Variants in CHRM5 observed in about 807,000 individuals in gnomAD.
CHRM5 encodes cholinergic receptor muscarinic 5, also known as muscarinic acetylcholine receptor M5.
In CHRM5, 18 loss-of-function variants were observed where a neutral mutation model predicts 39.0. The ratio of observed to expected loss-of-function variants is 0.46; its 90% CI spans 0.32 to 0.68. The LOEUF is 0.68. Among genes scored for constraint, CHRM5 ranks in the 30% least tolerant of loss-of-function variants. The probability of loss-of-function intolerance (pLI) is 0.04; values close to 1 mark genes in which losing one functional copy is unlikely to be tolerated. For missense variants in CHRM5, 515 were observed against 651.1 expected, an observed-to-expected ratio of 0.79 and a Z score of 2.28; for synonymous variants, 241 against 246.3, an observed-to-expected ratio of 0.98 and a Z score of 0.20.
Position 33,970,506 on chromosome 15 carries a change from ATTG to A in CHRM5, c.-408+1365_-408+1367del, listed in dbSNP as rs531922445. On this transcript the variant is annotated intron_variant, in intron 1 of 2. Transcript: ENST00000383263. The stretch of plus-strand genomic sequence containing the variant: ...GACATAACTAAAAGTTAAGGGTGGT[ATTG>A]TTGTTGTTTACCTACACTGAGAAAC... Among the ~76,000 whole-genome samples, 18 of 152,070 alleles carry A rather than the reference ATTG, an allele frequency of 1.2e-4. No individual in the cohort carries two copies. In the South Asian group the frequency reaches 2.1e-3, roughly 18 times the overall value.
Position 34,065,262 on chromosome 15 carries a change from G to A in CHRM5, c.*946G>A, listed in dbSNP as rs1900480213. 1 of 152,210 alleles carries A rather than the reference G, an allele frequency of 6.6e-6. No individual in the cohort carries two copies. Among genetic ancestry groups the A allele is most frequent in the South Asian group, 2.1e-4 (1 of 4,822 alleles). The allele number at this position is 152,210 out of a possible 1,614,324, so 9.4% of individuals were successfully genotyped here. On this transcript the variant is annotated 3_prime_UTR_variant, in exon 3 of 3. Transcript: ENST00000383263. ...ATTTTCTCCAGGCTGTTGAATTAAG[G>A]TTCTTATATTGTTTTCAGAGATCTT...
At chr15:34,005,214 TTCATA>T (rs1897293428) in intron 1 of CHRM5, among the ~76,000 whole-genome samples, 1 of 152,150 alleles carries the variant, frequency 6.6e-6, no homozygotes, top group Non-Finnish European at 1.5e-5. Context: ...TAAATTTCAT[TTCATA>T]TAACATCCAG....
intron 1 of CHRM5, among the ~76,000 whole-genome samples, chr15:34,040,660 G>T (rs530438505): frequency 6.6e-6 from 1 of 152,116 alleles, no homozygotes; most frequent in East Asian, 1.9e-4. Context: ...CAGGTGTGTG[G>T]TTCGTGCCTG....
chr15:34,023,709 G>A (rs58866635), intron 1 of CHRM5, among the ~76,000 whole-genome samples: 15,828 of 152,114 alleles, frequency 0.1, 1,021 homozygotes, highest in East Asian at 0.33. Context: ...AATCACGCCA[G>A]GCTTAAAAGG....
chr15:34,039,213 G>C, intron 1 of CHRM5: 1 of 471,430 alleles, frequency 2.1e-6, no homozygotes, highest in Non-Finnish European at 2.8e-6. Context: ...GCGGAGCGGG[G>C]CGGGGCGGGG....
chr15:33,972,660 GAAACAAAAAT>G (rs1161357255), intron 1 of CHRM5: 1 of 152,120 alleles, frequency 6.6e-6, no homozygotes, highest in Non-Finnish European at 1.5e-5. Flanking sequence ...TTCAATTAAG[GAAACAAAAAT>G]GAAAGCTCCT....
chr15:34,055,837 TAAATA>T (rs1288916031), intron 2 of CHRM5, among the ~76,000 whole-genome samples: 1 of 151,972 alleles, frequency 6.6e-6, no homozygotes, highest in Admixed American at 6.6e-5. Flanking sequence ...AATAAACAAA[TAAATA>T]AAATGTGGAA....
chr15:34,033,411 C>A (rs1342328056), intron 1 of CHRM5, among the ~76,000 whole-genome samples: 1 of 151,212 alleles, frequency 6.6e-6, no homozygotes, highest in South Asian at 2.1e-4. Context: ...GAGGCTGAGG[C>A]AGGAGAATTG....
intron 1 of CHRM5, among the ~76,000 whole-genome samples, chr15:34,031,746 A>G (rs1898844994): frequency 6.6e-6 from 1 of 152,188 alleles, no homozygotes; most frequent in Non-Finnish European, 1.5e-5. Flanking sequence ...CTTTTAAGCA[A>G]TTTAAGGCTT....
intron 1 of CHRM5, among the ~76,000 whole-genome samples, chr15:34,012,981 T>A (rs1467730444): frequency 6.6e-6 from 1 of 152,228 alleles, no homozygotes; most frequent in African/African-American, 2.4e-5. Context: ...CCCCACCAGC[T>A]TTTTTAATGG....
intron 1 of CHRM5, among the ~76,000 whole-genome samples, chr15:34,028,340 G>A (rs896664925): frequency 1.3e-5 from 2 of 152,158 alleles, no homozygotes; most frequent in South Asian, 4.1e-4. Flanking sequence ...CAAGGCAGGT[G>A]GTTCACTTGA....
At position 34,064,216 on chromosome 15, in the gene CHRM5, G is replaced by A. The variant is rs1900449187; in HGVS notation, c.1499G>A (p.Arg500Lys). 3 of 1,614,042 alleles carry A rather than the reference G, an allele frequency of 1.9e-6. No individual in the cohort carries two copies. The Admixed American group carries it at 5.0e-5, about 27-fold the overall frequency. Residue 500 changes from arginine to lysine, a missense_variant, in exon 3 of 3, where the codon AGA (arginine) becomes AAA (lysine). Coordinates refer to ENST00000383263, the MANE Select transcript of CHRM5 (RefSeq NM_012125.4). ...VNPICYALCN[R>K]TFRKTFKMLL... is the part of the protein sequence containing the mutation. ...CCCATCTGCTATGCCCTCTGCAACA[G>A]AACCTTCAGGAAGACCTTTAAGATG...
At chr15:34,020,969 G>C (rs1229611880) in intron 1 of CHRM5, among the ~76,000 whole-genome samples, 1 of 152,184 alleles carries the variant, frequency 6.6e-6, no homozygotes, top group Non-Finnish European at 1.5e-5. Context: ...GGTGAGGAAT[G>C]AATCACTGGG....
At chr15:34,028,102 C>T (rs1268031441) in intron 1 of CHRM5, among the ~76,000 whole-genome samples, 2 of 152,034 alleles carry the variant, frequency 1.3e-5, no homozygotes, top group African/African-American at 4.8e-5. Flanking sequence ...CACAGAGAGA[C>T]CCCCCCTCAG....
At chr15:33,981,434 T>C (rs1427149986) in intron 1 of CHRM5, among the ~76,000 whole-genome samples, 1 of 53,054 alleles carries the variant, frequency 1.9e-5, no homozygotes. Flanking sequence ...GGCACCAAAC[T>C]AAACATAACC....
chr15:34,045,215 A>G (rs1223853062), intron 1 of CHRM5, among the ~76,000 whole-genome samples: 2 of 152,152 alleles, frequency 1.3e-5, no homozygotes, highest in African/African-American at 2.4e-5. Context: ...TATCTCTTTT[A>G]TATGCCCCAC....
rs775436850 is a variant in CHRM5 at position 34,053,319 on chromosome 15, A to AAATAT, written c.-76+6449_-76+6450insATATA. Among the ~76,000 whole-genome samples, 300 of 42,068 alleles carry AAATAT rather than the reference A, an allele frequency of 7.1e-3. 1 individual carries two copies. Among genetic ancestry groups the AAATAT allele is most frequent in the Non-Finnish European group, 0.01 (214 of 21,212 alleles). The allele number at this position is 42,068 out of a possible 152,430, so 27.6% of individuals were successfully genotyped here. ...CATCTCAAAAAAAAAAAAAAAAAAA[A>AAATAT]ATATATATATATATATATATATATG... On this transcript the variant is annotated intron_variant, in intron 2 of 2. Transcript: ENST00000383263.
chr15:34,017,119 C>A lies in CHRM5; in HGVS notation c.-407-29421C>A, dbSNP rs1597354805. Among the ~76,000 whole-genome samples, 3 of 132,712 alleles carry A rather than the reference C, an allele frequency of 2.3e-5. No homozygotes were observed. In the Admixed American group the frequency reaches 2.4e-4, roughly 11 times the overall value. The allele number at this position is 132,712 out of a possible 152,430, so 87.1% of individuals were successfully genotyped here. ...TGCATTCCTGGATGACAGAATGAGACTCTGTCTCAAGGGGGAAAAAAAAAG... is the reference window on the plus strand; with the variant it reads ...TGCATTCCTGGATGACAGAATGAGAATCTGTCTCAAGGGGGAAAAAAAAAG... On this transcript the variant is annotated intron_variant, in intron 1 of 2. Coordinates refer to ENST00000383263, the MANE Select transcript of CHRM5 (RefSeq NM_012125.4).
chr15:33,983,158 G>GTGTA (rs1373777751), intron 1 of CHRM5, among the ~76,000 whole-genome samples: 58 of 136,324 alleles, frequency 4.3e-4, no homozygotes, highest in South Asian at 1.4e-3. Flanking sequence ...GTGTGTGTGT[G>GTGTA]TATGTGTGTG....
Sources: gnomAD v4.1 joint callset for allele counts (sites outside exome capture counted in the v4.1 genomes callset) on GRCh38, gnomAD v4.1.1 for gene constraint, MANE v1.5 for transcripts, NCBI Gene and HGNC (gene_info 2026-07-23, HGNC 2026-07-21) for gene names.